The following ARMC5 variants were observed in gnomAD, a reference collection of about 807,000 sequenced individuals.
ARMC5 encodes the protein armadillo repeat containing 5.
Under a neutral mutation model 60.5 loss-of-function variants are expected in ARMC5, and 28 were observed. The observed-to-expected ratio is 0.46, with a 90% CI of 0.34 to 0.63. ARMC5 has a LOEUF of 0.63. Ranked by LOEUF, ARMC5 falls within the 30% of genes least tolerant of loss-of-function variation. The probability of loss-of-function intolerance (pLI) is 0.01; values close to 1 mark genes in which losing one functional copy is unlikely to be tolerated. For missense variants in ARMC5, 1,189 were observed against 1,304.9 expected (o/e 0.91, Z 1.37); for synonymous variants, 680 against 607.3 (o/e 1.12, Z -1.76).
rs139289075 is a variant in ARMC5 at position 31,462,967 on chromosome 16, G to C, written c.1370+50G>C. The C allele has an allele frequency of 2.2e-3, 3,280 of 1,464,034 alleles. 5 individuals carry two copies. Among genetic ancestry groups the C allele is most frequent in the Middle Eastern group, 9.1e-3 (41 of 4,488 alleles). 90.7% of individuals were successfully genotyped at this position (1,464,034 alleles called of 1,614,324 possible). On this transcript the variant is annotated intron_variant, in intron 3 of 5. Coordinates refer to ENST00000268314, the MANE Select transcript of ARMC5 (RefSeq NM_001105247.2). The surrounding 1 kb of genome is among the most constrained non-coding windows in gnomAD (Gnocchi z 7.2). ...GAGGGTGAGCAGTGCAGTGATGTGG[G>C]GTTTGTGTCTGTCTTGGTCCTCTTC... is the stretch of plus-strand genomic sequence containing the variant.
chr16:31,462,635 C>CCCGACTG lies in ARMC5; in HGVS notation c.1090_1096dup (p.Arg366ProfsTer37), dbSNP rs1445646111. 1 of 1,613,470 alleles carries CCCGACTG rather than the reference C, an allele frequency of 6.2e-7. No individual in the cohort carries two copies. Among genetic ancestry groups the CCCGACTG allele is most frequent in the African/African-American group, 1.3e-5 (1 of 74,928 alleles). On this transcript the variant is annotated frameshift_variant, in exon 3 of 6. Coordinates refer to ENST00000268314, the MANE Select transcript of ARMC5 (RefSeq NM_001105247.2). LOFTEE classifies it high-confidence loss of function. This position sits in a 1 kb window ranked among gnomAD's most constrained non-coding sequence, Gnocchi z 7.2. ...CTATGTCGTGAGGCCATCAACCGGGCCCGACTGCGGGATGCTGGTGGCTTG... is the reference window on the plus strand; with the variant it reads ...CTATGTCGTGAGGCCATCAACCGGGCCCGACTGCCGACTGCGGGATGCTGGTGGCTTG...
upstream of ARMC5, chr16:31,459,408 A>T (rs76210462): frequency 6.5e-7 from 1 of 1,538,130 alleles, no homozygotes. Flanking sequence ...GACTTGCATC[A>T]CTGCGGTGGC....
intron 4 of ARMC5, 83 bp from the exon 5 acceptor site, chr16:31,465,767 A>G (rs2082351156): frequency 6.3e-7 from 1 of 1,580,860 alleles, no homozygotes; most frequent in South Asian, 1.1e-5. Context: ...ACCCTCCTTC[A>G]TCTCACGGGC....
rs1383752677 is a variant in ARMC5, at chr16:31,462,761, G to C, written c.1214G>C (p.Gly405Ala). Residue 405 changes from glycine (G) to alanine (A), a missense_variant, in exon 3 of 6, where the codon GGC becomes GCC. Gly to Ala is a moderately conservative substitution (Grantham distance 60). Around this residue, in one of 2 missense-constraint regions of ARMC5, gnomAD observed 862 missense variants for 1,071.2 expected, o/e 0.80. Transcript: ENST00000268314. The surrounding 1 kb of genome is among the most constrained non-coding windows in gnomAD (Gnocchi z 7.2). The part of the protein sequence containing the change: ...VGFLYDTGAL[G>A]RLQALGLVPL... ...TTTCTGTATGACACTGGGGCCCTGGGCCGGCTGCAGGCTCTGGGACTTGTG... is the reference window on the plus strand; with the variant it reads ...TTTCTGTATGACACTGGGGCCCTGGCCCGGCTGCAGGCTCTGGGACTTGTG... 6.2e-7 allele frequency: 1 copy of C among 1,613,806 alleles called. No homozygotes were observed. Among genetic ancestry groups the C allele is most frequent in the Non-Finnish European group, 8.5e-7 (1 of 1,180,032 alleles).
At position 31,464,613 on chromosome 16, in the gene ARMC5, G is replaced by A. The variant is rs370922403; in HGVS notation, c.1590G>A (p.Ser530=). 5.1e-5 allele frequency: 82 copies of A among 1,594,186 alleles called. 1 individual carries two copies. Among genetic ancestry groups the A allele is most frequent in the African/African-American group, 3.2e-4 (24 of 74,678 alleles). ...AAGGGCCAGCCCTGCTGCTGCTGTC[G>A]CGCTTTTCCCAGGCCCCTGACCCAA... ...GREGPALLLL[S]RFSQAPDPSG... Residue 530 remains serine, a synonymous_variant, in exon 4 of 6, where the codon TCG becomes TCA. Transcript: ENST00000268314. This position sits in a 1 kb window ranked among gnomAD's most constrained non-coding sequence, Gnocchi z 7.6.
rs200951744 is a variant in ARMC5 at position 31,466,273 on chromosome 16, C to G, written c.2192C>G (p.Pro731Arg). 1,964 of 1,613,934 alleles carry G rather than the reference C, an allele frequency of 1.2e-3. 3 individuals carry two copies. The highest frequency in any genetic ancestry group is 9.7e-3 in the Middle Eastern group (59 of 6,062). Reference sequence around the variant, plus strand: ...GCAGTCCCCATGGACCTAGACTCACCTTCCCCTTGCCTCTATGAACCTCTG... The same window carrying G: ...GCAGTCCCCATGGACCTAGACTCACGTTCCCCTTGCCTCTATGAACCTCTG... ...PQAVPMDLDS[P>R]SPCLYEPLLG... The change falls in exon 6 of 6, where the codon CCT (proline) becomes CGT (arginine). Residue 731 changes from proline to arginine, a missense_variant. Physicochemically the swap from Pro to Arg is moderately radical, Grantham distance 103. Coordinates refer to ENST00000268314, the MANE Select transcript of ARMC5 (RefSeq NM_001105247.2). The surrounding 1 kb of genome is among the most constrained non-coding windows in gnomAD (Gnocchi z 8.0).
chr16:31,462,650 C>T lies in ARMC5; in HGVS notation c.1103C>T (p.Ala368Val). 1.2e-6 allele frequency: 2 copies of T among 1,613,710 alleles called. No homozygotes were observed. The highest frequency in any genetic ancestry group is 3.4e-4 in the Middle Eastern group (2 of 5,832). Residue 368 changes from alanine (A) to valine (V), a missense_variant, in exon 3 of 6, where the codon GCT becomes GTT. Physicochemically the swap from Ala to Val is moderately conservative, Grantham distance 64. Around this residue, in one of 2 missense-constraint regions of ARMC5, gnomAD observed 862 missense variants for 1,071.2 expected, o/e 0.80. Transcript: ENST00000268314. This position sits in a 1 kb window ranked among gnomAD's most constrained non-coding sequence, Gnocchi z 7.2. ...EAINRARLRD[A>V]GGLDLLMGLL... ...ATCAACCGGGCCCGACTGCGGGATG[C>T]TGGTGGCTTGGATCTACTGATGGGC...
chr16:31,462,864 T>A lies in ARMC5; in HGVS notation c.1317T>A (p.Phe439Leu), dbSNP rs182524829. 20 of 1,613,332 alleles carry A rather than the reference T, an allele frequency of 1.2e-5. No individual in the cohort carries two copies. The highest frequency in any genetic ancestry group is 1.7e-5 in the Non-Finnish European group (20 of 1,179,772). ...GAAGAGAAGCTGCTTCCTGGGACTT[T>A]CCTGAGGAGAGGACCCCTGAGCGGG... is the stretch of plus-strand genomic sequence containing the variant. ...EEGREAASWD[F>L]PEERTPERAQ... The change falls in exon 3 of 6, where the codon TTT becomes TTA. Residue 439 changes from phenylalanine to leucine, a missense_variant. By Grantham distance (22) the Phe-to-Leu change is conservative. This residue lies in a region of ARMC5 where 862 missense variants were observed against 1,071.2 expected (regional missense o/e 0.80). Transcript: ENST00000268314. The surrounding 1 kb of genome is among the most constrained non-coding windows in gnomAD (Gnocchi z 7.2).
rs1285860167 is a variant in ARMC5, at chr16:31,464,766, G to A, written c.1743G>A (p.Glu581=). 1 of 1,599,278 alleles carries A rather than the reference G, an allele frequency of 6.3e-7. No homozygotes were observed. Among genetic ancestry groups the A allele is most frequent in the Admixed American group, 1.7e-5 (1 of 59,932 alleles). ...TCACCTGCAACCCTGCCTGCCTCGA[G>A]GCCTTCGTGCGCAGCTATGGCGCGG... ...SRLTCNPACL[E]AFVRSYGAAL... The change falls in exon 4 of 6, where the codon GAG becomes GAA. Residue 581 remains glutamate, a synonymous_variant. Coordinates refer to ENST00000268314, the MANE Select transcript of ARMC5 (RefSeq NM_001105247.2). The surrounding 1 kb of genome is among the most constrained non-coding windows in gnomAD (Gnocchi z 7.6).
rs1287272564 is a variant in ARMC5, at chr16:31,466,175, C to A, written c.2094C>A (p.Leu698=). ...LTRPAPHPLF[L]FFAADSLSCL... ...GGCCGGCCCCACACCCGCTCTTCCT[C>A]TTCTTTGCCGCGGACTCCCTTTCCT... Residue 698 remains leucine (L), a synonymous_variant, in exon 6 of 6, where the codon CTC becomes CTA. Coordinates refer to ENST00000268314, the MANE Select transcript of ARMC5 (RefSeq NM_001105247.2). The surrounding 1 kb of genome is among the most constrained non-coding windows in gnomAD (Gnocchi z 8.0). 9.9e-6 allele frequency: 16 copies of A among 1,611,290 alleles called. No individual in the cohort carries two copies. The highest frequency in any genetic ancestry group is 1.3e-5 in the African/African-American group (1 of 74,940).
intron 4 of ARMC5, 177 bp downstream of exon 4, chr16:31,465,064 C>A (rs367649844): frequency 9.9e-6 from 16 of 1,613,856 alleles, no homozygotes; most frequent in Non-Finnish European, 1.3e-5. Context: ...TCCATGGGCC[C>A]ACAGGCAGAG....
At chr16:31,458,437 T>C (rs1276191432), upstream of ARMC5, 1 of 1,535,590 alleles carries the variant, frequency 6.5e-7, no homozygotes, top group African/African-American at 1.4e-5. Flanking sequence ...TTCACCGGTG[T>C]GTACCCAGTG....
chr16:31,459,066 T>C, upstream of ARMC5: 3 of 1,501,148 alleles, frequency 2.0e-6, no homozygotes, highest in Non-Finnish European at 2.7e-6. Flanking sequence ...CGGCTCGGGG[T>C]TCTCGGAGTC....
intron 4 of ARMC5, 179 bp from the exon 5 acceptor site, chr16:31,465,671 T>A (rs961600536): frequency 6.1e-5 from 87 of 1,433,406 alleles, no homozygotes; most frequent in Admixed American, 2.7e-4. Context: ...TGTCCCACCT[T>A]CTGTCCTTGT....
Position 31,459,749 on chromosome 16 carries a change from G to A in ARMC5, c.225G>A (p.Arg75=), listed in dbSNP as rs759061318. The change falls in exon 1 of 6, where the codon CGG becomes CGA. Residue 75 remains arginine (R), a synonymous_variant. Coordinates refer to ENST00000268314, the MANE Select transcript of ARMC5 (RefSeq NM_001105247.2). Reference sequence around the variant, plus strand: ...TCCGCCCCCTACTCGCGCTGCTACGGCGAGCGGCTGCAGCGGGTTCCGCCC... The same window carrying A: ...TCCGCCCCCTACTCGCGCTGCTACGACGAGCGGCTGCAGCGGGTTCCGCCC... The part of the protein sequence containing the change: ...GGLRPLLALL[R]RAAAAGSAPS... 1 of 1,540,528 alleles carries A rather than the reference G, an allele frequency of 6.5e-7. No homozygotes were observed. Among genetic ancestry groups the A allele is most frequent in the South Asian group, 1.2e-5 (1 of 84,502 alleles).
chr16:31,466,176 T>G lies in ARMC5; in HGVS notation c.2095T>G (p.Phe699Val), dbSNP rs775889900. The G allele has an allele frequency of 1.1e-5, 17 of 1,611,422 alleles. No individual in the cohort carries two copies. The highest frequency in any genetic ancestry group is 2.5e-6 in the Non-Finnish European group (3 of 1,179,872). The change falls in exon 6 of 6, where the codon TTC (phenylalanine) becomes GTC (valine). Residue 699 changes from phenylalanine to valine, a missense_variant. Phe to Val is a conservative substitution (Grantham distance 50, BLOSUM62 -1). Transcript: ENST00000268314. The surrounding 1 kb of genome is among the most constrained non-coding windows in gnomAD (Gnocchi z 8.0). ...TRPAPHPLFLFFAADSLSCLQ... is the reference protein window; with the variant it reads ...TRPAPHPLFLVFAADSLSCLQ... Reference sequence around the variant, plus strand: ...GCCGGCCCCACACCCGCTCTTCCTCTTCTTTGCCGCGGACTCCCTTTCCTG... The same window carrying G: ...GCCGGCCCCACACCCGCTCTTCCTCGTCTTTGCCGCGGACTCCCTTTCCTG...
At position 31,459,530 on chromosome 16, in the gene ARMC5, G is replaced by T; in HGVS notation, c.6G>T (p.Ala2=). 6.2e-7 allele frequency: 1 copy of T among 1,603,362 alleles called. No individual in the cohort carries two copies. The change falls in exon 1 of 6, where the codon GCG becomes GCT. Residue 2 remains alanine, a synonymous_variant. Transcript: ENST00000268314. M[A]AAKPTLTDSL... ...AGTCTGAGGCCCGAGCCAAGATGGC[G>T]GCTGCGAAGCCAACCCTCACGGACT...
chr16:31,462,748 A>C lies in ARMC5; in HGVS notation c.1201A>C (p.Thr401Pro). Residue 401 changes from threonine to proline, a missense_variant, in exon 3 of 6, where the codon ACT (threonine) becomes CCT (proline). This residue lies in a region of ARMC5 where 862 missense variants were observed against 1,071.2 expected (regional missense o/e 0.80). Transcript: ENST00000268314. This position sits in a 1 kb window ranked among gnomAD's most constrained non-coding sequence, Gnocchi z 7.2. ...VAALVGFLYD[T>P]GALGRLQALG... ...TGCCCTTGTGGGGTTTCTGTATGAC[A>C]CTGGGGCCCTGGGCCGGCTGCAGGC... 6.2e-7 allele frequency: 1 copy of C among 1,613,844 alleles called. No homozygotes were observed.
chr16:31,465,409 C>G, intron 4 of ARMC5: 9 of 1,174,330 alleles, frequency 7.7e-6, no homozygotes, highest in Non-Finnish European at 9.0e-6. Flanking sequence ...GTCCCCTCAG[C>G]TCCTATCTCT....
Sources: gnomAD v4.1 joint callset for allele counts on GRCh38, gnomAD v4.1.1 for gene constraint, gnomAD v4.1.1 regional missense constraint, Gnocchi (gnomAD v3.1) non-coding constraint, MANE v1.5 for transcripts, NCBI Gene and HGNC (gene_info 2026-07-23, HGNC 2026-07-21) for gene names.